Variants in CLSTN2 observed in about 807,000 individuals in gnomAD.
CLSTN2 encodes calsyntenin-2.
A neutral mutation model predicts 101.2 loss-of-function variants in CLSTN2; 48 were observed. The ratio of observed to expected loss-of-function variants is 0.47; its 90% CI spans 0.38 to 0.60. The LOEUF (loss-of-function observed/expected upper bound fraction) is 0.60, where lower values mean the gene tolerates loss of function less well. CLSTN2 is among the 20% of genes least tolerant of loss of function. CLSTN2 has a pLI of 0.00. For missense variants in CLSTN2, 1,160 were observed against 1,238.2 expected (o/e 0.94, Z 0.95); for synonymous variants, 481 against 463.6 (o/e 1.04, Z -0.48).
rs756928049 is a variant in CLSTN2 at position 140,511,650 on chromosome 3, C to T, written c.1345-20674C>T. ...CTGCAAGCTCTGCCTCCCGGGTTCA[C>T]GCAATTCTCCTGCCTCAGCCTCCCG... is the stretch of plus-strand genomic sequence containing the variant. On this transcript the variant is annotated intron_variant, in intron 8 of 16. Transcript: ENST00000458420. Among the ~76,000 whole-genome samples, 12 of 148,982 alleles carry T rather than the reference C, an allele frequency of 8.1e-5. No homozygotes were observed. In the South Asian group the frequency reaches 8.7e-4, roughly 11 times the overall value.
At position 140,572,664 on chromosome 3, in the gene CLSTN2, T is replaced by C. The variant is rs1985593326; in HGVS notation, c.*6411T>C. ...GGGAACATGTGAGAAGTGCATATTCTTGGGCCCCACCCCAGACCTACTGAA... is the reference window on the plus strand; with the variant it reads ...GGGAACATGTGAGAAGTGCATATTCCTGGGCCCCACCCCAGACCTACTGAA... On this transcript the variant is annotated 3_prime_UTR_variant, in exon 17 of 17. Transcript: ENST00000458420. 6.6e-6 allele frequency: 1 copy of C among 152,226 alleles called. No individual in the cohort carries two copies. Among genetic ancestry groups the C allele is most frequent in the African/African-American group, 2.4e-5 (1 of 41,440 alleles). 9.4% of individuals were successfully genotyped at this position (152,226 alleles called of 1,614,324 possible). A position where few individuals can be genotyped will look rare whatever the true frequency, so the allele number is the denominator to read the frequency against.
intron 1 of CLSTN2, among the ~76,000 whole-genome samples, chr3:140,100,147 CTTT>C (rs34115783): frequency 2.8e-5 from 4 of 145,442 alleles, no homozygotes; most frequent in Non-Finnish European, 1.5e-5. Context: ...TTGCATTTCT[CTTT>C]TTTTTTTTTT....
intron 8 of CLSTN2, chr3:140,508,079 C>A (rs897247902): frequency 1.3e-5 from 2 of 152,204 alleles, no homozygotes; most frequent in Non-Finnish European, 2.9e-5. Flanking sequence ...GGTGAGGAGA[C>A]CTGTGCAACA....
At chr3:139,996,451 G>A (rs144571735) in intron 1 of CLSTN2, among the ~76,000 whole-genome samples, 4,410 of 152,146 alleles carry the variant, frequency 0.029, 97 homozygotes, top group Middle Eastern at 0.041. Context: ...GTACAGTGGC[G>A]CGATCTCGGC....
At chr3:140,046,842 T>A (rs986877075) in intron 1 of CLSTN2, among the ~76,000 whole-genome samples, 3 of 152,164 alleles carry the variant, frequency 2.0e-5, no homozygotes, top group South Asian at 2.1e-4. Flanking sequence ...GTCAAAGAAT[T>A]GTGGAAATTG....
intron 2 of CLSTN2, among the ~76,000 whole-genome samples, chr3:140,320,831 TAGAC>T (rs2087276945): frequency 6.6e-6 from 1 of 152,024 alleles, no homozygotes; most frequent in Non-Finnish European, 1.5e-5. Flanking sequence ...AATGCAAACA[TAGAC>T]AGCGGCAGTG....
intron 2 of CLSTN2, among the ~76,000 whole-genome samples, chr3:140,264,080 G>T (rs2086675432): frequency 6.6e-6 from 1 of 152,064 alleles, no homozygotes; most frequent in South Asian, 2.1e-4. Context: ...CAATGTGTTT[G>T]TTCCCAGCTG....
intron 2 of CLSTN2, among the ~76,000 whole-genome samples, chr3:140,317,742 A>C (rs1006820911): frequency 1.3e-5 from 2 of 152,210 alleles, no homozygotes; most frequent in African/African-American, 4.8e-5. Flanking sequence ...TTCATATTAA[A>C]GATGTAACTG....
intron 2 of CLSTN2, among the ~76,000 whole-genome samples, chr3:140,279,012 GCC>G (rs1334459518): frequency 1.3e-5 from 2 of 152,126 alleles, no homozygotes; most frequent in Admixed American, 1.3e-4. Context: ...GAGCCACCAT[GCC>G]TGCTCTCCAT....
chr3:140,559,101 A>G (rs1006327399), intron 12 of CLSTN2, among the ~76,000 whole-genome samples: 6 of 152,040 alleles, frequency 3.9e-5, no homozygotes, highest in African/African-American at 1.4e-4. Context: ...CTAAATGGTA[A>G]GTGAAAAAAT....
intron 5 of CLSTN2, among the ~76,000 whole-genome samples, chr3:140,447,031 G>C (rs192519164): frequency 4.9e-4 from 75 of 152,284 alleles, no homozygotes; most frequent in Middle Eastern, 3.4e-3. Context: ...CCAAAGCCCA[G>C]TCTCTTCCAA....
intron 2 of CLSTN2, among the ~76,000 whole-genome samples, chr3:140,356,822 A>T (rs373441383): frequency 2.8e-4 from 43 of 151,914 alleles, no homozygotes; most frequent in African/African-American, 1.0e-3. Flanking sequence ...TAAATTTTGT[A>T]TTACCTTTTC....
chr3:140,126,904 C>T (rs916376860), intron 1 of CLSTN2, among the ~76,000 whole-genome samples: 3 of 151,758 alleles, frequency 2.0e-5, no homozygotes, highest in African/African-American at 4.8e-5. Context: ...TGTAACCCAT[C>T]GTGGGGTGGG....
intron 1 of CLSTN2, among the ~76,000 whole-genome samples, chr3:140,155,006 C>T (rs536599107): frequency 6.6e-6 from 1 of 152,092 alleles, no homozygotes; most frequent in African/African-American, 2.4e-5. Context: ...TCCCATCAGG[C>T]CCCTCCCTTG....
intron 2 of CLSTN2, among the ~76,000 whole-genome samples, chr3:140,253,776 T>C (rs912200138): frequency 3.3e-5 from 5 of 152,114 alleles, no homozygotes; most frequent in African/African-American, 1.2e-4. Context: ...CTTTTTTATT[T>C]TTTTTTTCTC....
chr3:140,511,425 A>T (rs189876554), intron 8 of CLSTN2, among the ~76,000 whole-genome samples: 1 of 151,710 alleles, frequency 6.6e-6, no homozygotes, highest in East Asian at 1.9e-4. Flanking sequence ...CTGCCTCTAG[A>T]TCTTTGAGGA....
chr3:140,521,884 G>T (rs986725614), intron 8 of CLSTN2, among the ~76,000 whole-genome samples: 1 of 152,194 alleles, frequency 6.6e-6, no homozygotes, highest in African/African-American at 2.4e-5. Context: ...GAATGACACT[G>T]CTTGGCTCCC....
intron 2 of CLSTN2, among the ~76,000 whole-genome samples, chr3:140,284,662 C>G (rs923362718): frequency 3.3e-5 from 5 of 152,060 alleles, no homozygotes; most frequent in Non-Finnish European, 7.4e-5. Flanking sequence ...GTGCAAACCT[C>G]TGAGTGAAAC....
chr3:140,205,008 G>GT (rs1282476326), intron 2 of CLSTN2, among the ~76,000 whole-genome samples: 2 of 152,184 alleles, frequency 1.3e-5, no homozygotes, highest in African/African-American at 4.8e-5. Context: ...ATCAGGAGGG[G>GT]TGAGGGGAGG....
Sources: gnomAD v4.1 joint callset for allele counts (sites outside exome capture counted in the v4.1 genomes callset) on GRCh38, gnomAD v4.1.1 for gene constraint, MANE v1.5 for transcripts, NCBI Gene and HGNC (gene_info 2026-07-23, HGNC 2026-07-21) for gene names.